Variants in PTPRD observed in about 807,000 individuals in gnomAD.
PTPRD encodes the protein receptor-type tyrosine-protein phosphatase delta.
In PTPRD, 34 loss-of-function variants were observed where a neutral mutation model predicts 214.5. The ratio of observed to expected loss-of-function variants is 0.16; its 90% CI spans 0.12 to 0.21. The LOEUF is 0.21. PTPRD is among the 10% of genes least tolerant of loss of function. PTPRD has a pLI of 1.00. For synonymous variants in PTPRD, 1,128 were observed against 845.7 expected, an observed-to-expected ratio of 1.33 and a Z score of -5.79; for missense variants, 2,545 against 2,398.7, an observed-to-expected ratio of 1.06 and a Z score of -1.27.
chr9:8,766,560 A>G (rs1031172334), intron 11 of PTPRD, among the ~76,000 whole-genome samples: 7 of 152,222 alleles, frequency 4.6e-5, no homozygotes, highest in Non-Finnish European at 8.8e-5. Flanking sequence ...CAAATACACG[A>G]CAATAAACAC....
chr9:9,391,748 T>C (rs768340883), intron 9 of PTPRD, among the ~76,000 whole-genome samples: 12 of 152,166 alleles, frequency 7.9e-5, no homozygotes, highest in Admixed American at 1.3e-4. Context: ...TGGAAAAACA[T>C]GGGAGGTGGG....
chr9:9,248,693 G>A (rs1245224380), intron 9 of PTPRD, among the ~76,000 whole-genome samples: 1 of 152,090 alleles, frequency 6.6e-6, no homozygotes, highest in Admixed American at 6.6e-5. Context: ...CTAAGGGAAT[G>A]AGAAGTCTTA....
intron 12 of PTPRD, among the ~76,000 whole-genome samples, chr9:8,700,135 A>T (rs1041248438): frequency 6.6e-6 from 1 of 152,084 alleles, no homozygotes; most frequent in East Asian, 1.9e-4. Context: ...TCCAAATTTC[A>T]CTCCCTTTTT....
intron 7 of PTPRD, among the ~76,000 whole-genome samples, chr9:9,610,489 C>T (rs1358336014): frequency 2.0e-5 from 3 of 152,154 alleles, no homozygotes; most frequent in African/African-American, 7.2e-5. Context: ...TTCATATTTA[C>T]ACATTAATTG....
Position 8,609,687 on chromosome 9 carries a change from CTATT to C in PTPRD, c.352+23626_352+23629del, listed in dbSNP as rs1241417059. Among the ~76,000 whole-genome samples, 4 of 152,108 alleles carry C rather than the reference CTATT, an allele frequency of 2.6e-5. 1 individual carries two copies. The South Asian group carries it at 6.2e-4, about 24-fold the overall frequency. On this transcript the variant is annotated intron_variant, in intron 14 of 45. Coordinates refer to ENST00000381196, the MANE Select transcript of PTPRD (RefSeq NM_002839.4). ...ACACAAAATCCACATTTGAACATCA[CTATT>C]TAACTCAAGTTTATTTTTACTAATA...
intron 11 of PTPRD, among the ~76,000 whole-genome samples, chr9:8,829,359 A>C (rs1439335668): frequency 6.6e-6 from 1 of 152,162 alleles, no homozygotes; most frequent in Non-Finnish European, 1.5e-5. Flanking sequence ...GTTTTACCTA[A>C]AAAATCACAG....
intron 9 of PTPRD, among the ~76,000 whole-genome samples, chr9:9,297,970 T>C (rs1305196277): frequency 6.6e-6 from 1 of 151,634 alleles, no homozygotes; most frequent in Non-Finnish European, 1.5e-5. Flanking sequence ...TTAAGTTTGG[T>C]TTGGATAATT....
chr9:10,417,650 T>C (rs1024242292), intron 2 of PTPRD, among the ~76,000 whole-genome samples: 2 of 151,798 alleles, frequency 1.3e-5, no homozygotes, highest in African/African-American at 4.8e-5. Context: ...CATTTAGTAA[T>C]GCATGTTATT....
rs2067182617 is a variant in PTPRD, at chr9:9,877,362, A to C, written c.-368+61145T>G. Among the ~76,000 whole-genome samples the C allele has an allele frequency of 4.6e-5, 7 of 152,158 alleles. No individual in the cohort carries two copies. The South Asian group carries it at 1.4e-3, about 32-fold the overall frequency. ...GTCATGGGGAGGATAAGGGAGGAAG[A>C]TTTGAGGCAAAGACTTCAAGCCACT... On this transcript the variant is annotated intron_variant, in intron 5 of 45. Transcript: ENST00000381196.
At chr9:10,266,874 C>T (rs1282419709) in intron 3 of PTPRD, among the ~76,000 whole-genome samples, 1 of 151,826 alleles carries the variant, frequency 6.6e-6, no homozygotes, top group Non-Finnish European at 1.5e-5. Context: ...ATGAAGAAAC[C>T]AGGGAATAAT....
chr9:10,024,887 T>A (rs1279445849), intron 4 of PTPRD, among the ~76,000 whole-genome samples: 2 of 150,644 alleles, frequency 1.3e-5, no homozygotes, highest in African/African-American at 4.9e-5. Context: ...GGTGTTTGGT[T>A]TTCTGTCCGT....
chr9:8,497,936 C>A (rs1328787128), intron 25 of PTPRD, among the ~76,000 whole-genome samples: 4 of 152,290 alleles, frequency 2.6e-5, no homozygotes, highest in Admixed American at 6.5e-5. Flanking sequence ...ATATTGTTTT[C>A]TTTTCCATAA....
intron 11 of PTPRD, among the ~76,000 whole-genome samples, chr9:8,751,984 C>T (rs1232245464): frequency 6.6e-6 from 1 of 152,132 alleles, no homozygotes; most frequent in African/African-American, 2.4e-5. Flanking sequence ...ACGTTGTGTG[C>T]GTCTGACCCT....
chr9:8,411,897 C>A (rs1416912260), intron 35 of PTPRD, among the ~76,000 whole-genome samples: 5 of 152,102 alleles, frequency 3.3e-5, no homozygotes, highest in Non-Finnish European at 7.4e-5. Flanking sequence ...TTTACAAATA[C>A]AATTCACAGA....
intron 9 of PTPRD, among the ~76,000 whole-genome samples, chr9:9,333,394 A>G (rs1384865797): frequency 6.6e-6 from 1 of 150,748 alleles, no homozygotes; most frequent in Admixed American, 6.7e-5. Context: ...GAGAGTATGG[A>G]TTGTTTAGGG....
intron 9 of PTPRD, among the ~76,000 whole-genome samples, chr9:9,277,206 GAACA>G (rs1945985257): frequency 1.3e-5 from 2 of 151,174 alleles, no homozygotes; most frequent in African/African-American, 4.8e-5. Context: ...AAATTTAATT[GAACA>G]AATATTCAAA....
chr9:9,635,675 TC>T (rs1206985085), intron 7 of PTPRD, among the ~76,000 whole-genome samples: 1 of 152,204 alleles, frequency 6.6e-6, no homozygotes, highest in Non-Finnish European at 1.5e-5. Context: ...TTGTAGAGTC[TC>T]AACATGGTTC....
At chr9:9,831,641 T>C (rs975839405) in intron 5 of PTPRD, among the ~76,000 whole-genome samples, 2 of 152,006 alleles carry the variant, frequency 1.3e-5, no homozygotes, top group Admixed American at 6.6e-5. Context: ...CAATGTTCTT[T>C]ACCTGTATTA....
intron 8 of PTPRD, among the ~76,000 whole-genome samples, chr9:9,430,518 C>A (rs1261954286): frequency 6.6e-6 from 1 of 152,092 alleles, no homozygotes; most frequent in Non-Finnish European, 1.5e-5. Context: ...CATGAAGCTA[C>A]CAATGATTTT....
Sources: gnomAD v4.1 joint callset for allele counts (sites outside exome capture counted in the v4.1 genomes callset) on GRCh38, gnomAD v4.1.1 for gene constraint, MANE v1.5 for transcripts, NCBI Gene and HGNC (gene_info 2026-07-23, HGNC 2026-07-21) for gene names.